The following SLC4A4 variants were observed in gnomAD, a reference collection of about 807,000 sequenced individuals.
SLC4A4 encodes electrogenic sodium bicarbonate cotransporter 1.
SLC4A4 carries 27 observed loss-of-function variants against 111.5 expected under a neutral mutation model. The observed-to-expected ratio is 0.24, with a 90% CI of 0.18 to 0.33. The LOEUF is 0.33. Among genes scored for constraint, SLC4A4 ranks in the 10% least tolerant of loss-of-function variants. The probability of loss-of-function intolerance (pLI) is 1.00; values close to 1 mark genes in which losing one functional copy is unlikely to be tolerated. For synonymous variants in SLC4A4, 443 were observed against 463.4 expected (o/e 0.96, Z 0.57); for missense variants, 909 against 1,315.5 (o/e 0.69, Z 4.78).
rs768208562 is a variant in SLC4A4, at chr4:71,497,475, A to C, written c.1975-26A>C. 2.5e-6 allele frequency: 4 copies of C among 1,598,702 alleles called. No individual in the cohort carries two copies. In the African/African-American group the frequency reaches 5.4e-5, roughly 21 times the overall value. On this transcript the variant is annotated intron_variant, in intron 15 of 25. Transcript: ENST00000264485. ...TTTTTATATGTCAATGTTCTCTAGA[A>C]AAATTTTAATGTTTTTCTTCTTCAG...
At chr4:71,541,819 G>GT in intron 18 of SLC4A4, among the ~76,000 whole-genome samples, 1 of 152,162 alleles carries the variant, frequency 6.6e-6, no homozygotes. Context: ...TCTGAAAAAG[G>GT]TAATGGCAGT....
chr4:71,490,728 A>T (rs1729826237), intron 15 of SLC4A4, among the ~76,000 whole-genome samples: 1 of 151,752 alleles, frequency 6.6e-6, no homozygotes, highest in South Asian at 2.1e-4. Context: ...TTACCCATGC[A>T]CTTGGCAAAG....
At chr4:71,233,130 C>G in intron 1 of SLC4A4, 1 of 243,226 alleles carries the variant, frequency 4.1e-6, no homozygotes, top group Non-Finnish European at 6.6e-6. Flanking sequence ...TAAGGGTAAT[C>G]TTTGAGAAGG....
intron 18 of SLC4A4, among the ~76,000 whole-genome samples, chr4:71,536,484 A>ATATATATATATATG (rs1456558456): frequency 2.4e-4 from 25 of 106,272 alleles, no homozygotes; most frequent in Non-Finnish European, 4.3e-4. Context: ...ATATATATAT[A>ATATATATATATATG]TATGTATATA....
At chr4:71,278,725 CAT>C (rs1195461121) in intron 3 of SLC4A4, among the ~76,000 whole-genome samples, 21 of 152,220 alleles carry the variant, frequency 1.4e-4, no homozygotes, top group Non-Finnish European at 3.1e-4. Flanking sequence ...ACCTATTGGT[CAT>C]TTATTTATAT....
At chr4:71,441,747 T>C (rs1724735768) in intron 8 of SLC4A4, among the ~76,000 whole-genome samples, 1 of 152,220 alleles carries the variant, frequency 6.6e-6, no homozygotes. Context: ...TCTTAATTCA[T>C]AGATTGCAGG....
intron 1 of SLC4A4, among the ~76,000 whole-genome samples, chr4:71,088,232 GC>G (rs1434928773): frequency 6.9e-6 from 1 of 144,750 alleles, no homozygotes; most frequent in Non-Finnish European, 1.5e-5. Flanking sequence ...TGCAATACCT[GC>G]CTTTTTTTTT....
chr4:71,077,000 A>G lies in SLC4A4; in HGVS notation c.-65+14212A>G, dbSNP rs1301495039. ...GAGACCCTGTCTCAAAAAAAAATAC[A>G]TATACATATATATGTGTAAAAACAC... is the stretch of plus-strand genomic sequence containing the variant. On this transcript the variant is annotated intron_variant, in intron 1 of 26. Transcript: ENST00000649996. Among the ~76,000 whole-genome samples, 4 of 150,770 alleles carry G rather than the reference A, an allele frequency of 2.7e-5. No homozygotes were observed. The East Asian group carries it at 7.7e-4, about 29-fold the overall frequency.
chr4:71,267,343 GA>G (rs907855354), intron 3 of SLC4A4, among the ~76,000 whole-genome samples: 20 of 151,370 alleles, frequency 1.3e-4, no homozygotes, highest in African/African-American at 1.9e-4. Context: ...TGAAGGATGA[GA>G]AAAAAAAATT....
chr4:71,101,215 C>T (rs188078544), intron 2 of SLC4A4, among the ~76,000 whole-genome samples: 101 of 152,116 alleles, frequency 6.6e-4, no homozygotes, highest in African/African-American at 1.7e-3. Flanking sequence ...GCTGAGATTG[C>T]GCCACTGCAC....
intron 3 of SLC4A4, among the ~76,000 whole-genome samples, chr4:71,280,939 T>A (rs2149091488): frequency 6.6e-6 from 1 of 152,344 alleles, no homozygotes; most frequent in Admixed American, 6.5e-5. Context: ...CTCATAAAGT[T>A]ATTATGTTGC....
At chr4:71,381,259 C>T (rs899719926) in intron 6 of SLC4A4, among the ~76,000 whole-genome samples, 1 of 152,162 alleles carries the variant, frequency 6.6e-6, no homozygotes, top group Non-Finnish European at 1.5e-5. Flanking sequence ...TCTTCTAGCA[C>T]ACATTTAAGC....
At chr4:71,329,508 A>G (rs979364985) in intron 3 of SLC4A4, among the ~76,000 whole-genome samples, 1 of 152,062 alleles carries the variant, frequency 6.6e-6, no homozygotes, top group Admixed American at 6.5e-5. Flanking sequence ...AATGTTTTAT[A>G]GTTTTCATTG....
At chr4:71,452,544 T>A (rs1725862992) in intron 11 of SLC4A4, among the ~76,000 whole-genome samples, 1 of 152,144 alleles carries the variant, frequency 6.6e-6, no homozygotes. Context: ...ACGATCCTAA[T>A]AAAATGTAAT....
At chr4:71,501,723 G>A (rs1730946263) in intron 16 of SLC4A4, among the ~76,000 whole-genome samples, 1 of 151,900 alleles carries the variant, frequency 6.6e-6, no homozygotes, top group South Asian at 2.1e-4. Flanking sequence ...GTGCAGTGGT[G>A]CCATCTCAGC....
rs1313099219 is a variant in SLC4A4 at position 71,450,495 on chromosome 4, C to T, written c.1160C>T (p.Pro387Leu). Residue 387 changes from proline (P) to leucine (L), a missense_variant, in exon 10 of 26, where the codon CCA becomes CTA. Coordinates refer to ENST00000264485, the MANE Select transcript of SLC4A4 (RefSeq NM_001098484.3). ...GTCCTTCCACCTGGGGAATGGGATC[C>T]AGCAATTAGGATAGAGCCTCCTAAG... ...VIVLPPGEWD[P>L]AIRIEPPKSL... is the part of the protein sequence containing the mutation. 6.2e-7 allele frequency: 1 copy of T among 1,613,598 alleles called. No individual in the cohort carries two copies. The highest frequency in any genetic ancestry group is 1.3e-5 in the African/African-American group (1 of 74,950).
chr4:71,533,184 G>A (rs1426201657), intron 17 of SLC4A4, among the ~76,000 whole-genome samples: 1 of 152,114 alleles, frequency 6.6e-6, no homozygotes, highest in Non-Finnish European at 1.5e-5. Flanking sequence ...AATTGTCTCT[G>A]CTATCACATA....
At chr4:71,131,546 G>A (rs1488362218) in intron 2 of SLC4A4, among the ~76,000 whole-genome samples, 1 of 152,176 alleles carries the variant, frequency 6.6e-6, no homozygotes, top group Non-Finnish European at 1.5e-5. Flanking sequence ...GCAGCATTGT[G>A]CCTGGAATTA....
At chr4:71,463,069 G>A (rs1019526170) in intron 12 of SLC4A4, among the ~76,000 whole-genome samples, 2 of 152,182 alleles carry the variant, frequency 1.3e-5, no homozygotes, top group African/African-American at 4.8e-5. Context: ...CCAGTTGTTT[G>A]CTCTTTCTAC....
Sources: gnomAD v4.1 joint callset for allele counts (sites outside exome capture counted in the v4.1 genomes callset) on GRCh38, gnomAD v4.1.1 for gene constraint, MANE v1.5 for transcripts, NCBI Gene and HGNC (gene_info 2026-07-23, HGNC 2026-07-21) for gene names.